The following STK3 variants were observed in gnomAD, a reference collection of about 807,000 sequenced individuals.
STK3 encodes serine/threonine kinase 3.
STK3 carries 41 observed loss-of-function variants against 58.0 expected under a neutral mutation model. The observed-to-expected ratio is 0.71, with a 90% CI of 0.55 to 0.92. STK3 has a LOEUF of 0.92. STK3 is among the 40% of genes least tolerant of loss of function. The pLI, the probability that STK3 is intolerant of heterozygous loss-of-function variation, is 0.00. For synonymous variants in STK3, 170 were observed against 191.0 expected (o/e 0.89, Z 0.91); for missense variants, 479 against 602.7 (o/e 0.79, Z 2.15).
Position 98,590,647 on chromosome 8 carries a change from C to A in STK3, c.822+5385G>T, listed in dbSNP as rs573217843. ...TTTCATGCACGTCCGTGTGAAGAGA[C>A]CACTAAACAGCTGTTTTTAACTTTT... On this transcript the variant is annotated intron_variant, in intron 7 of 10. Transcript: ENST00000419617. 3.9e-5 allele frequency among the ~76,000 whole-genome samples: 6 copies of A among 152,288 alleles called. No individual in the cohort carries two copies. In the South Asian group the frequency reaches 1.2e-3, roughly 32 times the overall value.
At chr8:98,784,706 AG>A (rs1248800711) in intron 1 of STK3, among the ~76,000 whole-genome samples, 3 of 152,008 alleles carry the variant, frequency 2.0e-5, no homozygotes, top group Admixed American at 2.0e-4. Context: ...GTGTGTGCAT[AG>A]ATTGTGGTAC....
chr8:98,566,367 A>G (rs1203925637), intron 8 of STK3, among the ~76,000 whole-genome samples: 1 of 152,066 alleles, frequency 6.6e-6, no homozygotes, highest in Non-Finnish European at 1.5e-5. Flanking sequence ...ATTTTTCCCC[A>G]ACTGCAATAA....
chr8:98,561,201 CA>C (rs1381377603), intron 8 of STK3, among the ~76,000 whole-genome samples: 1 of 151,082 alleles, frequency 6.6e-6, no homozygotes, highest in East Asian at 2.0e-4. Flanking sequence ...CAGACCTACA[CA>C]AATATAGTCA....
intron 6 of STK3, chr8:98,633,521 T>A (rs939476383): frequency 5.2e-5 from 36 of 691,574 alleles, no homozygotes; most frequent in Non-Finnish European, 2.2e-5. Flanking sequence ...AGCTCAGGAC[T>A]GAGTGCAAGT....
At chr8:98,678,830 C>T (rs953713391) in intron 6 of STK3, among the ~76,000 whole-genome samples, 1 of 152,072 alleles carries the variant, frequency 6.6e-6, no homozygotes, top group African/African-American at 2.4e-5. Flanking sequence ...TTGTTTTCTT[C>T]CTTTATACCT....
chr8:98,750,893 C>T (rs1320149873), intron 3 of STK3, among the ~76,000 whole-genome samples: 1 of 152,114 alleles, frequency 6.6e-6, no homozygotes, highest in African/African-American at 2.4e-5. Flanking sequence ...ACATAAAAAA[C>T]CTAACTCACC....
At chr8:98,564,662 G>A (rs1812330952) in intron 8 of STK3, among the ~76,000 whole-genome samples, 2 of 152,030 alleles carry the variant, frequency 1.3e-5, no homozygotes, top group Admixed American at 1.3e-4. Context: ...ATGAGGTGAT[G>A]GAAATGCTAA....
At chr8:98,543,518 T>A (rs898046108) in intron 9 of STK3, among the ~76,000 whole-genome samples, 11 of 152,322 alleles carry the variant, frequency 7.2e-5, no homozygotes, top group African/African-American at 2.6e-4. Context: ...ACTGATGAGA[T>A]GTTACTTCCA....
chr8:98,797,252 G>A (rs946412356), intron 1 of STK3, among the ~76,000 whole-genome samples: 4 of 152,188 alleles, frequency 2.6e-5, no homozygotes, highest in Non-Finnish European at 4.4e-5. Context: ...CACCTGAAGG[G>A]CAGACAGCTT....
At chr8:98,683,017 A>G (rs1823748027) in intron 6 of STK3, among the ~76,000 whole-genome samples, 1 of 152,014 alleles carries the variant, frequency 6.6e-6, no homozygotes, top group Admixed American at 6.6e-5. Flanking sequence ...TGCTTTTAAG[A>G]TATATATCTT....
chr8:98,428,761 A>G lies in STK3; in HGVS notation n.483+5366T>C. ...CTCAAGTTCTTCAAGAATGCCCTAA[A>G]CCTTATTGACCTCATGTCCATCGTC... On this transcript the variant is annotated intron_variant and non_coding_transcript_variant, in intron 3 of 3. Coordinates refer to the STK3 transcript ENST00000517832. This position sits in a 1 kb window ranked among gnomAD's most constrained non-coding sequence, Gnocchi z 6.7. 6.2e-7 allele frequency: 1 copy of G among 1,614,002 alleles called. No homozygotes were observed. The highest frequency in any genetic ancestry group is 8.5e-7 in the Non-Finnish European group (1 of 1,179,994).
rs952430976 is a variant in STK3 at position 98,652,369 on chromosome 8, A to G, written c.684+54098T>C. On this transcript the variant is annotated intron_variant, in intron 6 of 10. Transcript: ENST00000419617. ...AAAGGAACAACCGGTACCAGCCACT[A>G]CAAAATCATGCCGAATTGTAAAGAC... Among the ~76,000 whole-genome samples, 14 of 152,314 alleles carry G rather than the reference A, an allele frequency of 9.2e-5. No homozygotes were observed. In the East Asian group the frequency reaches 9.6e-4, roughly 10 times the overall value.
At chr8:98,638,406 G>A (rs1563833560) in intron 6 of STK3, 1 of 152,150 alleles carries the variant, frequency 6.6e-6, no homozygotes, top group Non-Finnish European at 1.5e-5. Flanking sequence ...CAGTAATGAA[G>A]ATGGAAATTA....
chr8:98,900,944 G>A (rs1838634913), intron 1 of STK3, among the ~76,000 whole-genome samples: 1 of 152,182 alleles, frequency 6.6e-6, no homozygotes, highest in Non-Finnish European at 1.5e-5. Context: ...TAACAGGCAT[G>A]AGCCACTGCA....
chr8:98,643,696 C>T (rs1286599033), intron 6 of STK3, among the ~76,000 whole-genome samples: 3 of 152,140 alleles, frequency 2.0e-5, no homozygotes, highest in Admixed American at 2.0e-4. Context: ...TGATGCACAA[C>T]AAATATTTGT....
intron 1 of STK3, chr8:98,782,469 C>A (rs927195927): frequency 3.7e-6 from 1 of 272,188 alleles, no homozygotes. Context: ...ACACATCCAC[C>A]TGCTGAAGGC....
At chr8:98,595,965 C>A in intron 7 of STK3, 67 bp downstream of exon 7, 1 of 1,536,130 alleles carries the variant, frequency 6.5e-7, no homozygotes, top group Non-Finnish European at 8.8e-7. Context: ...CACAGCAATT[C>A]TGGCCAATGT....
intron 3 of STK3, among the ~76,000 whole-genome samples, chr8:98,850,129 G>A (rs1836392290): frequency 6.6e-6 from 1 of 152,084 alleles, no homozygotes; most frequent in Non-Finnish European, 1.5e-5. Flanking sequence ...TTTGGTTTCT[G>A]TGTAGATTTA....
intron 6 of STK3, among the ~76,000 whole-genome samples, chr8:98,688,301 T>TTG (rs2130932741): frequency 6.6e-6 from 1 of 152,302 alleles, no homozygotes; most frequent in African/African-American, 2.4e-5. Context: ...AGAAAAGATG[T>TTG]TGACAGCCAC....
Sources: gnomAD v4.1 joint callset for allele counts (sites outside exome capture counted in the v4.1 genomes callset) on GRCh38, gnomAD v4.1.1 for gene constraint, Gnocchi (gnomAD v3.1) non-coding constraint, MANE v1.5 for transcripts, NCBI Gene and HGNC (gene_info 2026-07-23, HGNC 2026-07-21) for gene names.